DTD1: variants seen among roughly 807,000 people sequenced by gnomAD.
DTD1 encodes the protein D-tyrosyl-tRNA deacylase 1 homolog.
Under a neutral mutation model 25.6 loss-of-function variants are expected in DTD1, and 13 were observed. The observed-to-expected ratio is 0.51, with a 90% confidence interval of 0.33 to 0.81. The LOEUF is 0.81. Among genes scored for constraint, DTD1 ranks in the 30% least tolerant of loss-of-function variants. The probability of loss-of-function intolerance (pLI) is 0.02; values close to 1 mark genes in which losing one functional copy is unlikely to be tolerated. For synonymous variants in DTD1, 110 were observed against 103.6 expected (o/e 1.06, Z -0.37); for missense variants, 193 against 266.4 (o/e 0.72, Z 1.92).
At chr20:18,700,695 CG>C (rs2061101366) in intron 4 of DTD1, among the ~76,000 whole-genome samples, 1 of 152,044 alleles carries the variant, frequency 6.6e-6, no homozygotes, top group African/African-American at 2.4e-5. Context: ...TTTGACGTGG[CG>C]TCAGTGGCAT....
intron 4 of DTD1, among the ~76,000 whole-genome samples, chr20:18,720,872 T>C (rs1297232955): frequency 6.6e-6 from 1 of 152,152 alleles, no homozygotes; most frequent in Non-Finnish European, 1.5e-5. Context: ...AAAATTTTTT[T>C]TTGTTAACAT....
chr20:18,637,519 A>G (rs1351239848), intron 4 of DTD1, among the ~76,000 whole-genome samples: 6 of 152,266 alleles, frequency 3.9e-5, no homozygotes, highest in Non-Finnish European at 2.9e-5. Flanking sequence ...GTAGCAGTGT[A>G]GCCACTTTAA....
At chr20:18,633,855 G>A (rs190521782) in intron 4 of DTD1, among the ~76,000 whole-genome samples, 19 of 152,328 alleles carry the variant, frequency 1.2e-4, no homozygotes, top group African/African-American at 3.4e-4. Flanking sequence ...TAACTGGACC[G>A]CTGCTTGTTT....
At chr20:18,688,717 T>A (rs931830293) in intron 4 of DTD1, among the ~76,000 whole-genome samples, 2 of 152,026 alleles carry the variant, frequency 1.3e-5, no homozygotes, top group African/African-American at 4.8e-5. Flanking sequence ...TCTTCTAGTG[T>A]TTGGTTTTTT....
intron 1 of DTD1, among the ~76,000 whole-genome samples, chr20:18,590,404 A>AT (rs5840818): frequency 4.6e-5 from 7 of 151,742 alleles, no homozygotes; most frequent in East Asian, 1.9e-4. Flanking sequence ...GGTCAAACAC[A>AT]TTTTTTTTTA....
At chr20:18,646,882 G>A (rs1411769562) in intron 4 of DTD1, among the ~76,000 whole-genome samples, 2 of 152,176 alleles carry the variant, frequency 1.3e-5, no homozygotes, top group East Asian at 1.9e-4. Context: ...ATCAGATGTC[G>A]AGAGAGGAGG....
chr20:18,606,958 A>G (rs1600313726), intron 3 of DTD1, among the ~76,000 whole-genome samples: 1 of 151,470 alleles, frequency 6.6e-6, no homozygotes, highest in Non-Finnish European at 1.5e-5. Flanking sequence ...TAGTTTACTG[A>G]GAGTTTCTAT....
rs548602664 is a variant in DTD1, at chr20:18,589,957, CCTT to C, written c.43+1845_43+1847del. Among the ~76,000 whole-genome samples, 7 of 152,214 alleles carry C rather than the reference CCTT, an allele frequency of 4.6e-5. No individual in the cohort carries two copies. The East Asian group carries it at 7.7e-4, about 17-fold the overall frequency. ...TAGAAGGGCCCTCCACTTATGCAGG[CCTT>C]CTAGTTGCATTGTAATGGAAAGGGA... On this transcript the variant is annotated intron_variant, in intron 1 of 5. Transcript: ENST00000377452.
At chr20:18,705,110 T>C (rs2061121101) in intron 4 of DTD1, among the ~76,000 whole-genome samples, 1 of 152,204 alleles carries the variant, frequency 6.6e-6, no homozygotes, top group South Asian at 2.1e-4. Flanking sequence ...AGTGCAAAGA[T>C]AGGACATTTC....
intron 4 of DTD1, among the ~76,000 whole-genome samples, chr20:18,706,454 A>G (rs1336588508): frequency 2.0e-5 from 3 of 152,202 alleles, no homozygotes; most frequent in African/African-American, 4.8e-5. Flanking sequence ...GAATAGAATC[A>G]TCTTTTGATC....
chr20:18,657,893 G>A (rs1222801888), intron 4 of DTD1, among the ~76,000 whole-genome samples: 9 of 152,030 alleles, frequency 5.9e-5, no homozygotes, highest in Non-Finnish European at 1.2e-4. Flanking sequence ...CGTCCTTCAG[G>A]GCCTCGCCTT....
At chr20:18,700,683 C>T (rs2061101213) in intron 4 of DTD1, among the ~76,000 whole-genome samples, 1 of 152,054 alleles carries the variant, frequency 6.6e-6, no homozygotes, top group Non-Finnish European at 1.5e-5. Context: ...CACAGTGACC[C>T]TTTTGACGTG....
intron 3 of DTD1, among the ~76,000 whole-genome samples, chr20:18,606,925 A>G (rs2060661765): frequency 6.7e-6 from 1 of 149,764 alleles, no homozygotes; most frequent in South Asian, 2.1e-4. Flanking sequence ...CTTAAAGTAT[A>G]ATAAAAAAAA....
intron 4 of DTD1, among the ~76,000 whole-genome samples, chr20:18,656,798 G>A (rs182552840): frequency 3.3e-4 from 51 of 152,296 alleles, no homozygotes; most frequent in Middle Eastern, 3.4e-3. Context: ...TGGCAGAACA[G>A]CCTCTCCAAG....
intron 4 of DTD1, among the ~76,000 whole-genome samples, chr20:18,704,001 C>CT (rs201452682): frequency 0.076 from 10,241 of 135,136 alleles, 861 homozygotes; most frequent in African/African-American, 0.2. Context: ...TAGTTGGTAG[C>CT]TTTTTTTTTT....
intron 5 of DTD1, among the ~76,000 whole-genome samples, chr20:18,760,491 G>A (rs2061357092): frequency 6.6e-6 from 1 of 152,172 alleles, no homozygotes. Context: ...GGAGTTTGCT[G>A]GAGGTCCACT....
In DTD1 at chr20:18,753,997, TA is replaced by T. The variant is rs568729304; in HGVS notation, c.*20-9362del. ...TCATGTTTTTTGCATAGAACAGCCT[TA>T]CCTTTCTAGGTAAATGAATTCTGAT... On this transcript the variant is annotated intron_variant, in intron 5 of 5. Coordinates refer to ENST00000377452, the MANE Select transcript of DTD1 (RefSeq NM_080820.6). Among the ~76,000 whole-genome samples the T allele has an allele frequency of 3.6e-3, 545 of 152,270 alleles. 2 individuals carry two copies. The highest frequency in any genetic ancestry group is 0.012 in the African/African-American group (502 of 41,558).
At chr20:18,730,761 A>C (rs1416294378) in intron 4 of DTD1, among the ~76,000 whole-genome samples, 1 of 152,194 alleles carries the variant, frequency 6.6e-6, no homozygotes, top group Non-Finnish European at 1.5e-5. Flanking sequence ...TATTATTCTC[A>C]AGAGGCTGGA....
rs181944755 is a variant in DTD1, at chr20:18,668,914, T to C, written c.477+40681T>C. On this transcript the variant is annotated intron_variant, in intron 4 of 5. Coordinates refer to ENST00000377452, the MANE Select transcript of DTD1 (RefSeq NM_080820.6). ...ATTTTTGCAGCTGTGGCCACCTTGC[T>C]TTCAGAAATGTGTTTCTTCTTATTC... Among the ~76,000 whole-genome samples the C allele has an allele frequency of 6.0e-4, 91 of 152,346 alleles. 1 individual carries two copies. The highest frequency in any genetic ancestry group is 3.4e-3 in the Middle Eastern group (1 of 294).
Sources: gnomAD v4.1 joint callset for allele counts (sites outside exome capture counted in the v4.1 genomes callset) on GRCh38, gnomAD v4.1.1 for gene constraint, MANE v1.5 for transcripts, NCBI Gene and HGNC (gene_info 2026-07-23, HGNC 2026-07-21) for gene names.